The following PTK2 variants were observed in gnomAD, a reference collection of about 807,000 sequenced individuals.
PTK2 encodes focal adhesion kinase 1.
Under a neutral mutation model 150.1 loss-of-function variants are expected in PTK2, and 45 were observed. The observed-to-expected ratio is 0.30, with a 90% confidence interval of 0.24 to 0.38. The LOEUF (loss-of-function observed/expected upper bound fraction) is 0.38, where lower values mean the gene tolerates loss of function less well. PTK2 is among the 10% of genes least tolerant of loss of function. The pLI, the probability that PTK2 is intolerant of heterozygous loss-of-function variation, is 1.00. For synonymous variants in PTK2, 432 were observed against 449.2 expected, an observed-to-expected ratio of 0.96 and a Z score of 0.48; for missense variants, 919 against 1,307.3, an observed-to-expected ratio of 0.70 and a Z score of 4.58.
intron 14 of PTK2, among the ~76,000 whole-genome samples, chr8:140,775,992 A>G (rs566493596): frequency 1.3e-5 from 2 of 152,276 alleles, no homozygotes; most frequent in South Asian, 4.2e-4. Flanking sequence ...ACAATGGACA[A>G]TCAATAGTTT....
At chr8:140,762,290 C>CA in intron 15 of PTK2, 78 bp downstream of exon 18, 1 of 862,246 alleles carries the variant, frequency 1.2e-6, no homozygotes, top group Non-Finnish European at 1.4e-6. Flanking sequence ...ATAAGTTAAC[C>CA]AAAAACTGAA....
chr8:140,951,060 T>C lies in PTK2; in HGVS notation c.-121-25311A>G, dbSNP rs141253519. Among the ~76,000 whole-genome samples the C allele has an allele frequency of 5.9e-5, 9 of 152,256 alleles. 1 individual carries two copies. Among genetic ancestry groups the C allele is most frequent in the African/African-American group, 2.2e-4 (9 of 41,542 alleles). On this transcript the variant is annotated intron_variant, in intron 1 of 31. Coordinates refer to ENST00000522684, the Ensembl canonical transcript of PTK2. The stretch of plus-strand genomic sequence containing the variant: ...TCATCTGCCCATATGCTATAAAAGA[T>C]GCTTGTATTCACAAATACGAGATTT...
At chr8:140,758,327 G>C (rs977301629) in intron 16 of PTK2, among the ~76,000 whole-genome samples, 1 of 152,168 alleles carries the variant, frequency 6.6e-6, no homozygotes, top group Non-Finnish European at 1.5e-5. Context: ...GGGTTCGAGT[G>C]ATCTTCCTGC....
At chr8:140,821,123 A>G (rs1340475246) in intron 8 of PTK2, 7 of 152,392 alleles carry the variant, frequency 4.6e-5, no homozygotes, top group Admixed American at 4.6e-4. Flanking sequence ...CTGGAAATGA[A>G]TAAGACCAGA....
chr8:140,753,285 G>A (rs1025901019), intron 16 of PTK2, among the ~76,000 whole-genome samples: 19 of 152,184 alleles, frequency 1.2e-4, no homozygotes, highest in African/African-American at 4.1e-4. Flanking sequence ...CATGATGCAG[G>A]TGTGAGAGAG....
At position 140,809,090 on chromosome 8, in the gene PTK2, C is replaced by T. The variant is rs557662308; in HGVS notation, c.868-5440G>A. 1.2e-4 allele frequency among the ~76,000 whole-genome samples: 19 copies of T among 152,044 alleles called. 1 individual carries two copies. In the South Asian group the frequency reaches 3.9e-3, roughly 32 times the overall value. On this transcript the variant is annotated intron_variant, in intron 10 of 31. Coordinates refer to ENST00000522684, the Ensembl canonical transcript of PTK2. Reference sequence around the variant, plus strand: ...ACAATGGAAAGAAGAATACCACATACCTAGAAAGGTAAGACATATTAAAAG... The same window carrying T: ...ACAATGGAAAGAAGAATACCACATATCTAGAAAGGTAAGACATATTAAAAG...
intron 30 of PTK2, among the ~76,000 whole-genome samples, chr8:140,665,994 T>C (rs187011743): frequency 3.0e-4 from 45 of 152,350 alleles, no homozygotes; most frequent in African/African-American, 1.0e-3. Context: ...TTTTCCACAT[T>C]GATGGTTTAT....
At chr8:140,955,653 GA>G (rs1490280611) in intron 1 of PTK2, among the ~76,000 whole-genome samples, 3 of 152,126 alleles carry the variant, frequency 2.0e-5, no homozygotes, top group Non-Finnish European at 2.9e-5. Context: ...GAACAAACAG[GA>G]AAACAGAAAA....
intron 1 of PTK2, among the ~76,000 whole-genome samples, chr8:140,979,683 G>C (rs975917021): frequency 2.6e-5 from 4 of 152,204 alleles, no homozygotes; most frequent in Non-Finnish European, 5.9e-5. Flanking sequence ...TTGTGGCAGG[G>C]ACCGGTGGGA....
exon 32 of PTK2, chr8:140,659,318 G>A (rs1407220971): frequency 2.2e-5 from 14 of 626,280 alleles, no homozygotes; most frequent in Non-Finnish European, 2.4e-5. Flanking sequence ...AAACTTATAT[G>A]AGAAAGATTT....
intron 2 of PTK2, among the ~76,000 whole-genome samples, chr8:140,911,788 G>A (rs2100163286): frequency 6.6e-6 from 1 of 151,884 alleles, no homozygotes; most frequent in African/African-American, 2.4e-5. Flanking sequence ...AACGTAAAAA[G>A]GGAACATTTT....
At position 140,694,982 on chromosome 8, in the gene PTK2, T is replaced by C. The variant is rs545241765; in HGVS notation, c.2499+5909A>G. 1.6e-3 allele frequency among the ~76,000 whole-genome samples: 246 copies of C among 152,186 alleles called. 1 individual carries two copies. The highest frequency in any genetic ancestry group is 5.7e-3 in the African/African-American group (237 of 41,472). On this transcript the variant is annotated intron_variant, in intron 26 of 31. Coordinates refer to ENST00000522684, the Ensembl canonical transcript of PTK2. ...GGCGTTATTCCCAGTGCACCAAGCT[T>C]TCCATGCGGCTGTCTAAAAATCTGC...
chr8:140,936,608 T>C (rs556196000), intron 1 of PTK2, among the ~76,000 whole-genome samples: 1 of 151,732 alleles, frequency 6.6e-6, no homozygotes, highest in East Asian at 1.9e-4. Flanking sequence ...TCAGAAACAA[T>C]CTGTAACCAA....
At chr8:141,000,087 T>TCTCACA (rs765058833) in intron 1 of PTK2, among the ~76,000 whole-genome samples, 41 of 81,650 alleles carry the variant, frequency 5.0e-4, no homozygotes, top group South Asian at 3.0e-3. Flanking sequence ...TGAAACCAAT[T>TCTCACA]CACACACACA....
At chr8:140,769,858 T>TA (rs1435139486) in intron 14 of PTK2, among the ~76,000 whole-genome samples, 1 of 152,232 alleles carries the variant, frequency 6.6e-6, no homozygotes, top group East Asian at 1.9e-4. Context: ...GCTAAAGTAT[T>TA]ACAGAGTGTA....
chr8:140,803,241 G>A (rs2100096313), intron 11 of PTK2, among the ~76,000 whole-genome samples: 2 of 151,664 alleles, frequency 1.3e-5, no homozygotes, highest in African/African-American at 4.8e-5. Context: ...CAAGTGATCC[G>A]CCTGCCTTGG....
Position 140,681,577 on chromosome 8 carries a change from A to G in PTK2, c.2562+5055T>C, listed in dbSNP as rs529313970. 5.9e-5 allele frequency among the ~76,000 whole-genome samples: 9 copies of G among 152,058 alleles called. 1 individual carries two copies. Among genetic ancestry groups the G allele is most frequent in the African/African-American group, 2.2e-4 (9 of 41,480 alleles). ...GGGATCACGAAGTCAGGAGATCGAGACCATCCCGGCTAACACAGTGAAACA... is the reference window on the plus strand; with the variant it reads ...GGGATCACGAAGTCAGGAGATCGAGGCCATCCCGGCTAACACAGTGAAACA... On this transcript the variant is annotated intron_variant, in intron 27 of 31. Coordinates refer to ENST00000522684, the Ensembl canonical transcript of PTK2.
chr8:140,817,358 C>A (rs564440045), intron 10 of PTK2, among the ~76,000 whole-genome samples: 43 of 152,002 alleles, frequency 2.8e-4, no homozygotes, highest in Admixed American at 2.2e-3. Context: ...AGGTCAGACA[C>A]GGTTTGGCAC....
intron 23 of PTK2, among the ~76,000 whole-genome samples, chr8:140,715,383 G>T (rs1187808592): frequency 6.6e-6 from 1 of 151,806 alleles, no homozygotes; most frequent in Non-Finnish European, 1.5e-5. Context: ...TGTTGGCCAG[G>T]CTGGTCTCGA....
Sources: allele counts gnomAD v4.1 joint callset (sites outside exome capture counted in the v4.1 genomes callset), GRCh38; gene constraint gnomAD v4.1.1; transcripts MANE v1.5; gene names NCBI Gene and HGNC (gene_info 2026-07-23, HGNC 2026-07-21).